Variants in SLC26A8 observed in about 807,000 individuals in gnomAD.
SLC26A8 encodes the protein testis anion transporter 1.
SLC26A8 carries 70 observed loss-of-function variants against 105.0 expected under a neutral mutation model. The observed-to-expected ratio is 0.67, with a 90% CI of 0.55 to 0.81. The LOEUF (loss-of-function observed/expected upper bound fraction) is 0.81. SLC26A8 is among the 40% of genes least tolerant of loss of function. The pLI, the probability that SLC26A8 is intolerant of heterozygous loss-of-function variation, is 0.00. For synonymous variants in SLC26A8, 415 were observed against 438.3 expected (o/e 0.95, Z 0.66); for missense variants, 998 against 1,181.8 (o/e 0.84, Z 2.28).
At chr6:35,994,659 T>C (rs191386700) in intron 5 of SLC26A8, among the ~76,000 whole-genome samples, 3 of 150,490 alleles carry the variant, frequency 2.0e-5, no homozygotes, top group Non-Finnish European at 4.4e-5. Context: ...CACTGCAACC[T>C]GTGCCTCCCA....
At chr6:35,945,672 A>G (rs1771634426) in intron 19 of SLC26A8, among the ~76,000 whole-genome samples, 1 of 152,130 alleles carries the variant, frequency 6.6e-6, no homozygotes. Flanking sequence ...TTGTGTTCCA[A>G]CTACATCTCA....
At chr6:36,022,601 A>T (rs1257426763) in intron 1 of SLC26A8, among the ~76,000 whole-genome samples, 1 of 152,146 alleles carries the variant, frequency 6.6e-6, no homozygotes, top group Non-Finnish European at 1.5e-5. Context: ...TTAGTCTAGG[A>T]GATGTTATCA....
chr6:35,981,244 T>C lies in SLC26A8; in HGVS notation c.1025+877A>G, dbSNP rs1773253990. Among the ~76,000 whole-genome samples the C allele has an allele frequency of 6.6e-6, 1 of 152,134 alleles. No homozygotes were observed. The highest frequency in any genetic ancestry group is 1.5e-5 in the Non-Finnish European group (1 of 68,022). ...AAGAGCCATGCCTCATAGTCACTGG[T>C]AGGAATTATAATGTAAATTGATTGT... On this transcript the variant is annotated intron_variant, in intron 8 of 19. Transcript: ENST00000490799. This position sits in a 1 kb window ranked among gnomAD's most constrained non-coding sequence, Gnocchi z 4.0.
At position 35,981,517 on chromosome 6, in the gene SLC26A8, C is replaced by T. The variant is rs963059686; in HGVS notation, c.1025+604G>A. Among the ~76,000 whole-genome samples the T allele has an allele frequency of 2.0e-5, 3 of 152,184 alleles. No individual in the cohort carries two copies. Among genetic ancestry groups the T allele is most frequent in the South Asian group, 2.1e-4 (1 of 4,826 alleles). On this transcript the variant is annotated intron_variant, in intron 8 of 19. Coordinates refer to ENST00000490799, the MANE Select transcript of SLC26A8 (RefSeq NM_052961.4). The surrounding 1 kb of genome is among the most constrained non-coding windows in gnomAD (Gnocchi z 4.0). Reference sequence around the variant, plus strand: ...ATTAGCCAGGCGTGGCAGTGCACGGCGGTGTACACCTGTAGTCCCAACTAC... The same window carrying T: ...ATTAGCCAGGCGTGGCAGTGCACGGTGGTGTACACCTGTAGTCCCAACTAC...
intron 11 of SLC26A8, among the ~76,000 whole-genome samples, chr6:35,962,986 T>C (rs1461967591): frequency 6.6e-6 from 1 of 152,126 alleles, no homozygotes; most frequent in African/African-American, 2.4e-5. Flanking sequence ...CATTTTTCTT[T>C]GCCCTCCTCC....
chr6:35,977,343 A>G lies in SLC26A8; in HGVS notation c.1034T>C (p.Leu345Pro). 6.2e-7 allele frequency: 1 copy of G among 1,613,300 alleles called. No individual in the cohort carries two copies. Among genetic ancestry groups the G allele is most frequent in the Admixed American group, 1.7e-5 (1 of 59,750 alleles). ...LIDMIPYSFL[L>P]PVTPDFSLLP... ...AAGGCTGAAATCTGGTGTTACAGGAAGCAGAAAGCTGGAATAGAATAGTGG... is the reference window on the plus strand; with the variant it reads ...AAGGCTGAAATCTGGTGTTACAGGAGGCAGAAAGCTGGAATAGAATAGTGG... The change falls in exon 9 of 20, where the codon CTT becomes CCT. Residue 345 changes from leucine to proline, a missense_variant. By Grantham distance (98) the Leu-to-Pro change is moderately conservative (BLOSUM62 -3). Coordinates refer to ENST00000490799, the MANE Select transcript of SLC26A8 (RefSeq NM_052961.4).
At chr6:35,985,421 A>T (rs1249240941) in intron 7 of SLC26A8, among the ~76,000 whole-genome samples, 1 of 152,002 alleles carries the variant, frequency 6.6e-6, no homozygotes, top group South Asian at 2.1e-4. Flanking sequence ...AGGGCTGGGC[A>T]TGGTGGCTCA....
intron 1 of SLC26A8, among the ~76,000 whole-genome samples, chr6:36,021,707 T>C (rs851029): frequency 0.66 from 99,911 of 152,058 alleles, 33,341 homozygotes; most frequent in Middle Eastern, 0.74. Flanking sequence ...CAGATTTTTA[T>C]GTGGAATCTT....
chr6:35,994,451 A>G (rs891416085), intron 5 of SLC26A8, among the ~76,000 whole-genome samples: 3 of 151,250 alleles, frequency 2.0e-5, no homozygotes, highest in East Asian at 2.0e-4. Flanking sequence ...TTGCCGCCCA[A>G]TGTTCTATTT....
In SLC26A8 at chr6:35,981,181, C is replaced by G. The variant is rs1201588260; in HGVS notation, c.1025+940G>C. ...GCCTTTCTTAGCTAATGTGATTCATCTGATTAAGGTTAAAAAAAATAATTT... is the reference window on the plus strand; with the variant it reads ...GCCTTTCTTAGCTAATGTGATTCATGTGATTAAGGTTAAAAAAAATAATTT... On this transcript the variant is annotated intron_variant, in intron 8 of 19. Coordinates refer to ENST00000490799, the MANE Select transcript of SLC26A8 (RefSeq NM_052961.4). This position sits in a 1 kb window ranked among gnomAD's most constrained non-coding sequence, Gnocchi z 4.0. Among the ~76,000 whole-genome samples the G allele has an allele frequency of 6.6e-6, 1 of 152,052 alleles. No individual in the cohort carries two copies. Among genetic ancestry groups the G allele is most frequent in the East Asian group, 1.9e-4 (1 of 5,194 alleles).
At chr6:36,023,741 G>A (rs529928830) in intron 1 of SLC26A8, among the ~76,000 whole-genome samples, 1 of 152,102 alleles carries the variant, frequency 6.6e-6, no homozygotes, top group South Asian at 2.1e-4. Flanking sequence ...TTCAAAATAA[G>A]CATTTGTAAT....
At chr6:35,999,525 G>A (rs865938333) in intron 4 of SLC26A8, among the ~76,000 whole-genome samples, 4 of 152,302 alleles carry the variant, frequency 2.6e-5, no homozygotes, top group Middle Eastern at 6.8e-3. Flanking sequence ...TTGACTCAGG[G>A]AAGGGAAGTA....
In SLC26A8 at chr6:35,981,995, T is replaced by G. The variant is rs78493555; in HGVS notation, c.1025+126A>C. On this transcript the variant is annotated intron_variant, in intron 8 of 19. Coordinates refer to ENST00000490799, the MANE Select transcript of SLC26A8 (RefSeq NM_052961.4). The surrounding 1 kb of genome is among the most constrained non-coding windows in gnomAD (Gnocchi z 4.0). ...GCCCTTCTCCTTTCATGAACCTCTGTGTTCAAAAATGAATTTTGCTTTGGC... is the reference window on the plus strand; with the variant it reads ...GCCCTTCTCCTTTCATGAACCTCTGGGTTCAAAAATGAATTTTGCTTTGGC... The G allele has an allele frequency of 2.3e-6, 2 of 880,102 alleles. No individual in the cohort carries two copies. Among genetic ancestry groups the G allele is most frequent in the Non-Finnish European group, 3.6e-6 (2 of 558,692 alleles). 54.5% of individuals were successfully genotyped at this position (880,102 alleles called of 1,614,324 possible).
chr6:35,977,504 A>G (rs61171193), intron 8 of SLC26A8, among the ~76,000 whole-genome samples, 153 bp from the exon 9 acceptor site: 10,965 of 152,000 alleles, frequency 0.072, 464 homozygotes, highest in Middle Eastern at 0.099. Context: ...CAGCCTGCCA[A>G]AACTGCCAGC....
At chr6:35,997,034 TAA>T (rs560246592) in intron 5 of SLC26A8, among the ~76,000 whole-genome samples, 7 of 139,602 alleles carry the variant, frequency 5.0e-5, no homozygotes, top group Admixed American at 7.2e-5. Context: ...AAACTCCATC[TAA>T]AAAAAAAAAA....
chr6:36,015,563 T>C (rs1307487542), intron 2 of SLC26A8, among the ~76,000 whole-genome samples: 1 of 152,206 alleles, frequency 6.6e-6, no homozygotes, highest in Non-Finnish European at 1.5e-5. Context: ...ATGGCAAGGC[T>C]AAGTAAGGAA....
chr6:35,994,858 T>C (rs1398310977), intron 5 of SLC26A8, among the ~76,000 whole-genome samples: 3 of 152,228 alleles, frequency 2.0e-5, no homozygotes, highest in Non-Finnish European at 4.4e-5. Flanking sequence ...ATTACAGGCG[T>C]GAGCCACTGT....
In SLC26A8 at chr6:35,975,474, G is replaced by T. The variant is rs748079827; in HGVS notation, c.1188C>A (p.Ile396=). 8 of 1,610,552 alleles carry T rather than the reference G, an allele frequency of 5.0e-6. No homozygotes were observed. In the South Asian group the frequency reaches 7.7e-5, roughly 16 times the overall value. ...SVNSNQDLIA[I]GLCNVVSSFF... ...ATGAACTGACGACATTGCAAAGGCC[G>T]ATGGCTATTAAATCCTGTAAAGAAA... The change falls in exon 10 of 20, where the codon ATC becomes ATA. Residue 396 remains isoleucine (I), a synonymous_variant. Coordinates refer to ENST00000490799, the MANE Select transcript of SLC26A8 (RefSeq NM_052961.4).
At chr6:35,994,184 G>A (rs537709965) in intron 5 of SLC26A8, among the ~76,000 whole-genome samples, 3 of 138,234 alleles carry the variant, frequency 2.2e-5, no homozygotes, top group Non-Finnish European at 3.0e-5. Flanking sequence ...GCGTGATCTC[G>A]ACTCACTGCA....
Sources: gnomAD v4.1 joint callset for allele counts (sites outside exome capture counted in the v4.1 genomes callset) on GRCh38, gnomAD v4.1.1 for gene constraint, Gnocchi (gnomAD v3.1) non-coding constraint, MANE v1.5 for transcripts, NCBI Gene and HGNC (gene_info 2026-07-23, HGNC 2026-07-21) for gene names.